NEDD8: variants seen among roughly 807,000 people sequenced by gnomAD.
NEDD8 encodes the protein ubiquitin-like protein NEDD8.
NEDD8 carries 1 observed loss-of-function variant against 13.8 expected under a neutral mutation model. The observed-to-expected ratio is 0.07, with a 90% CI of 0.03 to 0.34. The LOEUF (loss-of-function observed/expected upper bound fraction) is 0.34. NEDD8 is among the 10% of genes least tolerant of loss of function. NEDD8 has a pLI of 0.99. For synonymous variants in NEDD8, 31 were observed against 33.2 expected, an observed-to-expected ratio of 0.93 and a Z score of 0.23; for missense variants, 10 against 95.2, an observed-to-expected ratio of 0.10 and a Z score of 3.73.
At chr14:24,221,403 T>C (rs935991134) in intron 1 of NEDD8, among the ~76,000 whole-genome samples, 1 of 151,510 alleles carries the variant, frequency 6.6e-6, no homozygotes, top group Non-Finnish European at 1.5e-5. Context: ...CCTCAGCCTC[T>C]TGAGTAGCTG....
At chr14:24,224,474 G>A (rs1222371708) in intron 1 of NEDD8, among the ~76,000 whole-genome samples, 9 of 152,178 alleles carry the variant, frequency 5.9e-5, no homozygotes, top group Admixed American at 5.9e-4. Context: ...GGGATTACAG[G>A]TGTGAGCCAC....
intron 1 of NEDD8, among the ~76,000 whole-genome samples, chr14:24,224,590 T>A (rs528078635): frequency 1.2e-4 from 19 of 152,356 alleles, no homozygotes; most frequent in African/African-American, 4.6e-4. Context: ...AATAGCCAAA[T>A]GTGGCTAATG....
In NEDD8 at chr14:24,217,008, T is replaced by C. The variant is rs11538588; in HGVS notation, c.*119A>G. On this transcript the variant is annotated 3_prime_UTR_variant, in exon 4 of 4. Transcript: ENST00000250495. ...TGGGATCCTCACAGTCTCCCACCAGTAGACATACATTACTGGGCATCCAGG... is the reference window on the plus strand; with the variant it reads ...TGGGATCCTCACAGTCTCCCACCAGCAGACATACATTACTGGGCATCCAGG... The C allele has an allele frequency of 4.2e-5, 33 of 782,510 alleles. No individual in the cohort carries two copies. Among genetic ancestry groups the C allele is most frequent in the Non-Finnish European group, 6.8e-5 (33 of 482,090 alleles). The allele number at this position is 782,510 out of a possible 1,614,324, so 48.5% of individuals were successfully genotyped here.
chr14:24,231,155 T>G (rs550871483), intron 1 of NEDD8, among the ~76,000 whole-genome samples: 1 of 152,272 alleles, frequency 6.6e-6, no homozygotes, highest in Admixed American at 6.5e-5. Flanking sequence ...CCTTCCAAAG[T>G]GCTGGGATTA....
At chr14:24,222,601 T>A (rs2039824974) in intron 1 of NEDD8, among the ~76,000 whole-genome samples, 3 of 152,228 alleles carry the variant, frequency 2.0e-5, no homozygotes, top group Non-Finnish European at 2.9e-5. Context: ...TGTAGAAATA[T>A]AATACAAGCC....
chr14:24,222,291 G>C (rs962255829), intron 1 of NEDD8, among the ~76,000 whole-genome samples: 2 of 152,110 alleles, frequency 1.3e-5, no homozygotes, highest in African/African-American at 4.8e-5. Flanking sequence ...ATAACTATTT[G>C]TAATATATTA....
chr14:24,229,808 G>A (rs1301157493), intron 1 of NEDD8, among the ~76,000 whole-genome samples: 2 of 152,130 alleles, frequency 1.3e-5, no homozygotes, highest in Non-Finnish European at 2.9e-5. Flanking sequence ...GGGCGCGGTG[G>A]CTCATGACTG....
At chr14:24,228,312 G>A (rs2039928418) in intron 1 of NEDD8, 1 of 152,198 alleles carries the variant, frequency 6.6e-6, no homozygotes, top group Admixed American at 6.6e-5. Flanking sequence ...AGCATCGCTT[G>A]AACCCAAGAG....
intron 1 of NEDD8, among the ~76,000 whole-genome samples, chr14:24,220,039 T>C (rs1174650038): frequency 2.6e-5 from 4 of 152,244 alleles, no homozygotes; most frequent in Admixed American, 6.5e-5. Context: ...CTCAGGAGGC[T>C]GAGGCAGGAG....
intron 1 of NEDD8, among the ~76,000 whole-genome samples, chr14:24,230,444 A>C (rs1290705598): frequency 1.4e-5 from 2 of 142,558 alleles, no homozygotes; most frequent in East Asian, 4.7e-4. Flanking sequence ...CTGAGGCAGG[A>C]GAATGGCATG....
chr14:24,219,301 AAAC>A (rs147656745), intron 1 of NEDD8, among the ~76,000 whole-genome samples: 23 of 148,666 alleles, frequency 1.5e-4, no homozygotes, highest in African/African-American at 2.8e-4. Context: ...GTCTCAACCA[AAAC>A]AACAACAACA....
At chr14:24,218,574 G>C in intron 1 of NEDD8, 143 bp from the exon 2 acceptor site, 2 of 1,149,318 alleles carry the variant, frequency 1.7e-6, no homozygotes, top group Non-Finnish European at 2.5e-6. Context: ...AGAATGAGAA[G>C]GCTTTGAACA....
chr14:24,228,088 T>A (rs1171958006), intron 1 of NEDD8: 2 of 149,670 alleles, frequency 1.3e-5, no homozygotes, highest in Non-Finnish European at 2.9e-5. Flanking sequence ...AGAGTAAGAA[T>A]GTCTCAAAAC....
chr14:24,217,760 A>C (rs1378695136), intron 3 of NEDD8: 1 of 188,062 alleles, frequency 5.3e-6, no homozygotes, highest in Non-Finnish European at 1.1e-5. Flanking sequence ...TAACTTGTTA[A>C]CAATAGCAAT....
intron 1 of NEDD8, chr14:24,231,560 C>T (rs2040024605): frequency 6.6e-6 from 1 of 151,122 alleles, no homozygotes; most frequent in Non-Finnish European, 1.5e-5. Context: ...CTAACGAGGG[C>T]TGGAAATTGG....
At chr14:24,217,295 GTTGT>G in intron 3 of NEDD8, 72 bp from the exon 4 acceptor site, 1 of 1,311,854 alleles carries the variant, frequency 7.6e-7, no homozygotes, top group Non-Finnish European at 1.1e-6. Flanking sequence ...TGTTGTTGTT[GTTGT>G]TGTTGTTTTT....
chr14:24,218,918 G>A lies in NEDD8; in HGVS notation c.19-487C>T, dbSNP rs192433641. On this transcript the variant is annotated intron_variant, in intron 1 of 3. Transcript: ENST00000250495. The stretch of plus-strand genomic sequence containing the variant: ...TGCGCTACCAGGCCTGGCTAATTTT[G>A]TATTTTTAGTAGAGACAGGATTTCT... 1.2e-3 allele frequency among the ~76,000 whole-genome samples: 177 copies of A among 151,906 alleles called. No homozygotes were observed. The East Asian group carries it at 0.024, about 20-fold the overall frequency.
chr14:24,225,234 G>A (rs2039873086), intron 1 of NEDD8, among the ~76,000 whole-genome samples: 1 of 149,484 alleles, frequency 6.7e-6, no homozygotes, highest in African/African-American at 2.5e-5. Context: ...TCAAACTGCA[G>A]GAAACTCTAT....
At chr14:24,226,371 C>T (rs555954654) in intron 1 of NEDD8, among the ~76,000 whole-genome samples, 3 of 143,616 alleles carry the variant, frequency 2.1e-5, no homozygotes, top group East Asian at 2.1e-4. Flanking sequence ...GACGCTTGAA[C>T]GAAGGTGGAG....
Sources: allele counts gnomAD v4.1 joint callset (sites outside exome capture counted in the v4.1 genomes callset), GRCh38; gene constraint gnomAD v4.1.1; transcripts MANE v1.5; gene names NCBI Gene and HGNC (gene_info 2026-07-23, HGNC 2026-07-21).